TANGO6: variants seen among roughly 807,000 people sequenced by gnomAD.
TANGO6 encodes transport and Golgi organization protein 6 homolog.
A neutral mutation model predicts 114.2 loss-of-function variants in TANGO6; 90 were observed. The observed-to-expected ratio is 0.79, with a 90% CI of 0.66 to 0.94. The LOEUF is 0.94. Ranked by LOEUF, TANGO6 falls within the 40% of genes least tolerant of loss-of-function variation. TANGO6 has a pLI of 0.00. For synonymous variants in TANGO6, 477 were observed against 509.8 expected (o/e 0.94, Z 0.87); for missense variants, 1,274 against 1,315.3 (o/e 0.97, Z 0.49).
At chr16:69,021,804 G>A (rs1321097884) in intron 15 of TANGO6, among the ~76,000 whole-genome samples, 1 of 151,624 alleles carries the variant, frequency 6.6e-6, no homozygotes, top group African/African-American at 2.4e-5. Context: ...GCTAATTATA[G>A]TTGGGCTGGG....
At chr16:69,026,385 C>T (rs1320951639) in intron 16 of TANGO6, 1 of 160,310 alleles carries the variant, frequency 6.2e-6, no homozygotes, top group Non-Finnish European at 1.4e-5. Context: ...CGAGTTCCTA[C>T]ATCTAGAAAG....
rs1179769973 is a variant in TANGO6 at position 68,939,628 on chromosome 16, C to T, written c.2701+9333C>T. 7.0e-5 allele frequency among the ~76,000 whole-genome samples: 10 copies of T among 142,232 alleles called. No homozygotes were observed. The South Asian group carries it at 1.3e-3, about 19-fold the overall frequency. 93.3% of individuals were successfully genotyped at this position (142,232 alleles called of 152,430 possible). On this transcript the variant is annotated intron_variant, in intron 14 of 17. Coordinates refer to ENST00000261778, the MANE Select transcript of TANGO6 (RefSeq NM_024562.2). ...AGCATGGATATTTTATTCTAGGAAA[C>T]GGAAAAAACAAAACAAAACAGGGAA...
chr16:69,009,784 T>G (rs1205914865), intron 15 of TANGO6, among the ~76,000 whole-genome samples: 5 of 152,254 alleles, frequency 3.3e-5, no homozygotes, highest in Admixed American at 6.5e-5. Context: ...CTTATTCTTT[T>G]CAATGCAATT....
intron 14 of TANGO6, among the ~76,000 whole-genome samples, chr16:68,934,389 A>G (rs1963279111): frequency 6.6e-6 from 1 of 152,160 alleles, no homozygotes; most frequent in South Asian, 2.1e-4. Flanking sequence ...TCTCCTATAT[A>G]CAAAACACTT....
At chr16:69,015,723 C>T (rs932390911) in intron 15 of TANGO6, among the ~76,000 whole-genome samples, 10 of 151,914 alleles carry the variant, frequency 6.6e-5, no homozygotes, top group Non-Finnish European at 1.3e-4. Flanking sequence ...CCTCATGATC[C>T]GCCCCCTCTG....
At chr16:68,908,440 C>A (rs1036152447) in intron 10 of TANGO6, among the ~76,000 whole-genome samples, 1 of 152,014 alleles carries the variant, frequency 6.6e-6, no homozygotes, top group Non-Finnish European at 1.5e-5. Context: ...TTTGGGAGGC[C>A]GAGCCAGGTG....
chr16:68,871,289 A>G (rs555935528), intron 4 of TANGO6, among the ~76,000 whole-genome samples: 1 of 152,114 alleles, frequency 6.6e-6, no homozygotes, highest in Non-Finnish European at 1.5e-5. Flanking sequence ...GTTCCTCTAT[A>G]AATGATATAC....
chr16:69,078,380 T>C (rs1186526251), intron 17 of TANGO6, among the ~76,000 whole-genome samples: 1 of 152,210 alleles, frequency 6.6e-6, no homozygotes, highest in Non-Finnish European at 1.5e-5. Flanking sequence ...CCAAGACACG[T>C]GGTGCTAGAC....
chr16:69,017,936 C>T (rs117606985), intron 15 of TANGO6, among the ~76,000 whole-genome samples: 1 of 150,004 alleles, frequency 6.7e-6, no homozygotes, highest in African/African-American at 2.5e-5. Flanking sequence ...AGAGTCTCAC[C>T]CTTGTTGCCC....
At chr16:69,004,057 A>G (rs1434330177) in intron 15 of TANGO6, among the ~76,000 whole-genome samples, 1 of 152,040 alleles carries the variant, frequency 6.6e-6, no homozygotes, top group Non-Finnish European at 1.5e-5. Flanking sequence ...GGCACATTTT[A>G]CATACAGAAT....
intron 17 of TANGO6, among the ~76,000 whole-genome samples, chr16:69,075,789 G>A (rs1481129993): frequency 2.9e-5 from 4 of 139,118 alleles, no homozygotes; most frequent in Non-Finnish European, 4.6e-5. Flanking sequence ...TTTTGAGACA[G>A]AGTCTCACTC....
chr16:68,928,494 C>T (rs1003454567), intron 13 of TANGO6, among the ~76,000 whole-genome samples: 2 of 151,630 alleles, frequency 1.3e-5, no homozygotes, highest in East Asian at 1.9e-4. Flanking sequence ...TTAGTAGAGA[C>T]GGGCACCATG....
intron 15 of TANGO6, among the ~76,000 whole-genome samples, chr16:69,002,936 G>A (rs1332312358): frequency 2.6e-5 from 4 of 151,928 alleles, no homozygotes; most frequent in South Asian, 2.1e-4. Context: ...CAGCTACTCG[G>A]GAGGCTGAGG....
chr16:68,975,754 A>T (rs1045677637), intron 15 of TANGO6, among the ~76,000 whole-genome samples: 18 of 150,116 alleles, frequency 1.2e-4, no homozygotes, highest in African/African-American at 4.4e-4. Context: ...GCAAGGTCTC[A>T]CTATGTTGCC....
rs1413475649 is a variant in TANGO6, at chr16:68,859,886, T to C, written c.97T>C (p.Ser33Pro). 1 of 1,554,626 alleles carries C rather than the reference T, an allele frequency of 6.4e-7. No homozygotes were observed. ...CTCCTTTTTTTCTTCTTCAAAAGGC[T>C]CGGGCTCAAGTTCACTACAGGTCAC... Reference protein sequence around the residue: ...ALKLLLSPGGSGSSSLQVTKH... With the variant: ...ALKLLLSPGGPGSSSLQVTKH... Residue 33 changes from serine (S) to proline (P), a missense_variant and splice_region_variant, in exon 2 of 18, where the codon TCG becomes CCG. Physicochemically the swap from Ser to Pro is moderately conservative, Grantham distance 74 (BLOSUM62 -1). Coordinates refer to ENST00000261778, the MANE Select transcript of TANGO6 (RefSeq NM_024562.2).
At chr16:69,076,202 G>A (rs971291933) in intron 17 of TANGO6, among the ~76,000 whole-genome samples, 1 of 135,738 alleles carries the variant, frequency 7.4e-6, no homozygotes, top group African/African-American at 2.8e-5. Flanking sequence ...AGTGATTCTC[G>A]TGCCTCAGCC....
In TANGO6 at chr16:68,974,164, AT is replaced by A; in HGVS notation, c.2840del (p.Leu947Ter). The A allele has an allele frequency of 1.2e-6, 2 of 1,613,972 alleles. No individual in the cohort carries two copies. Among genetic ancestry groups the A allele is most frequent in the Non-Finnish European group, 1.7e-6 (2 of 1,179,880 alleles). On this transcript the variant is annotated frameshift_variant, in exon 15 of 18. Transcript: ENST00000261778. LOFTEE classifies it high-confidence loss of function. ...GEVLMRIVRA[L>X]GDMVSKYREP... ...AAGTCCTTATGCGAATCGTCAGGGC[AT>A]TAGGTGAGTTTTCTTGTTCCATCCA...
intron 17 of TANGO6, among the ~76,000 whole-genome samples, chr16:69,044,445 T>C (rs1459426503): frequency 6.6e-6 from 1 of 152,048 alleles, no homozygotes; most frequent in African/African-American, 2.4e-5. Flanking sequence ...CCAGTTCTGA[T>C]GGGGAGTTCA....
intron 16 of TANGO6, among the ~76,000 whole-genome samples, chr16:69,028,843 A>G (rs1470873964): frequency 1.4e-5 from 2 of 144,178 alleles, no homozygotes; most frequent in Non-Finnish European, 3.0e-5. Context: ...ACACACCACC[A>G]TGCCCAGTTT....
Sources: gnomAD v4.1 joint callset for allele counts (sites outside exome capture counted in the v4.1 genomes callset) on GRCh38, gnomAD v4.1.1 for gene constraint, MANE v1.5 for transcripts, NCBI Gene and HGNC (gene_info 2026-07-23, HGNC 2026-07-21) for gene names.